Variants in PTPRQ observed in about 807,000 individuals in gnomAD.
PTPRQ encodes the protein phosphatidylinositol phosphatase PTPRQ.
In PTPRQ, 199 loss-of-function variants were observed where a neutral mutation model predicts 246.0. That is an observed-to-expected ratio of 0.81 (90% CI 0.72 to 0.91). The LOEUF is 0.91. Ranked by LOEUF, PTPRQ falls within the 40% of genes least tolerant of loss-of-function variation. The pLI, the probability that PTPRQ is intolerant of heterozygous loss-of-function variation, is 0.00. For synonymous variants in PTPRQ, 869 were observed against 853.2 expected (o/e 1.02, Z -0.32); for missense variants, 2,624 against 2,528.4 (o/e 1.04, Z -0.81).
chr12:80,552,447 C>T (rs747118431), intron 25 of PTPRQ, among the ~76,000 whole-genome samples: 16 of 151,440 alleles, frequency 1.1e-4, no homozygotes, highest in Middle Eastern at 6.9e-3. Context: ...GCAGGAGATA[C>T]TAGGTTGGTG....
chr12:80,522,539 C>G (rs1205547949), intron 17 of PTPRQ, among the ~76,000 whole-genome samples: 1 of 152,070 alleles, frequency 6.6e-6, no homozygotes. Context: ...TACGTCCCAT[C>G]AATACCTAAT....
Position 80,474,588 on chromosome 12 carries a change from A to G in PTPRQ, c.1186+2337A>G, listed in dbSNP as rs142918083. 5.9e-3 allele frequency among the ~76,000 whole-genome samples: 900 copies of G among 152,270 alleles called. 10 individuals carry two copies. The highest frequency in any genetic ancestry group is 0.021 in the African/African-American group (863 of 41,548). On this transcript the variant is annotated intron_variant, in intron 8 of 44. Coordinates refer to ENST00000644991, the MANE Select transcript of PTPRQ (RefSeq NM_001145026.2). The stretch of plus-strand genomic sequence containing the variant: ...CCTCTATATGTCTCTTAATATTTTG[A>G]TGAGTAGATTTCTGCATAGGCATGA...
intron 41 of PTPRQ, 65 bp from the exon 42 acceptor site, chr12:80,670,279 T>A: frequency 1.3e-6 from 2 of 1,532,600 alleles, no homozygotes; most frequent in Middle Eastern, 1.8e-4. Flanking sequence ...CTGGGACTAT[T>A]GCCTTCAACC....
chr12:80,617,491 G>C (rs971818541), intron 30 of PTPRQ, among the ~76,000 whole-genome samples: 1 of 151,432 alleles, frequency 6.6e-6, no homozygotes, highest in Non-Finnish European at 1.5e-5. Context: ...ACAAAGAATA[G>C]TATGAGTCAT....
At chr12:80,669,284 C>T in intron 40 of PTPRQ, 55 bp from the exon 41 acceptor site, 4 of 1,539,794 alleles carry the variant, frequency 2.6e-6, no homozygotes, top group Admixed American at 4.2e-5. Flanking sequence ...CTGTGGTATA[C>T]ATATATATCA....
chr12:80,675,230 C>T (rs1014864291), intron 43 of PTPRQ, among the ~76,000 whole-genome samples: 2 of 152,090 alleles, frequency 1.3e-5, no homozygotes, highest in African/African-American at 4.8e-5. Context: ...TTAATGTTTG[C>T]TGTCACTGTC....
chr12:80,454,404 C>G (rs1054849544), intron 3 of PTPRQ: 1 of 442,442 alleles, frequency 2.3e-6, no homozygotes, highest in African/African-American at 4.7e-5. Context: ...CTGGCACTCC[C>G]TAGTGAGATG....
chr12:80,524,269 A>T (rs904002084), intron 17 of PTPRQ, among the ~76,000 whole-genome samples: 1 of 151,924 alleles, frequency 6.6e-6, no homozygotes, highest in Admixed American at 6.6e-5. Flanking sequence ...TCTGCATGTG[A>T]TATGGGTTTC....
intron 26 of PTPRQ, among the ~76,000 whole-genome samples, chr12:80,595,979 T>C (rs1369390699): frequency 6.6e-6 from 1 of 152,070 alleles, no homozygotes; most frequent in African/African-American, 2.4e-5. Context: ...TTTAGAAATA[T>C]TTCAAACAGT....
chr12:80,588,004 A>G (rs1565803649), intron 25 of PTPRQ, 125 bp from the exon 26 acceptor site: 1 of 1,011,608 alleles, frequency 9.9e-7, no homozygotes, highest in African/African-American at 1.6e-5. Context: ...GGGATAATTA[A>G]TCTAAGAGCT....
chr12:80,445,381 T>A, intron 2 of PTPRQ, 110 bp from the exon 3 acceptor site: 1 of 681,504 alleles, frequency 1.5e-6, no homozygotes, highest in Admixed American at 2.9e-5. Flanking sequence ...TGAACTCATA[T>A]TGCTCTTTGG....
At chr12:80,672,964 T>C (rs1215116870) in intron 42 of PTPRQ, among the ~76,000 whole-genome samples, 1 of 152,090 alleles carries the variant, frequency 6.6e-6, no homozygotes, top group Non-Finnish European at 1.5e-5. Flanking sequence ...AAATATTTGA[T>C]AGCATATTAA....
At chr12:80,654,845 G>T in intron 38 of PTPRQ, among the ~76,000 whole-genome samples, 1 of 151,996 alleles carries the variant, frequency 6.6e-6, no homozygotes, top group South Asian at 2.1e-4. Context: ...GGGTGACAGA[G>T]CGAGACTCTA....
intron 32 of PTPRQ, 48 bp downstream of exon 32, chr12:80,620,424 G>T: frequency 6.5e-7 from 1 of 1,541,634 alleles, no homozygotes; most frequent in Non-Finnish European, 8.7e-7. Flanking sequence ...AAGCTAGTTA[G>T]TATCTTTCAT....
chr12:80,535,825 C>G (rs191809383), intron 19 of PTPRQ, among the ~76,000 whole-genome samples: 9 of 152,100 alleles, frequency 5.9e-5, no homozygotes, highest in African/African-American at 2.2e-4. Flanking sequence ...TAGAAAAACA[C>G]GGCCGGGCGT....
At chr12:80,668,861 T>C (rs551044065) in intron 39 of PTPRQ, 146 bp from the exon 40 acceptor site, 1 of 1,141,686 alleles carries the variant, frequency 8.8e-7, no homozygotes, top group Admixed American at 3.6e-5. Flanking sequence ...GTTGGAAATT[T>C]TGAGTATTTA....
At chr12:80,535,970 C>A (rs1291202822) in intron 19 of PTPRQ, among the ~76,000 whole-genome samples, 2 of 152,008 alleles carry the variant, frequency 1.3e-5, no homozygotes, top group Admixed American at 1.3e-4. Flanking sequence ...AGCCAGGCGT[C>A]GTGGCAGGCG....
intron 25 of PTPRQ, among the ~76,000 whole-genome samples, chr12:80,551,718 T>C (rs773727994): frequency 1.3e-5 from 2 of 152,108 alleles, no homozygotes; most frequent in Non-Finnish European, 2.9e-5. Flanking sequence ...GAATTTGGCT[T>C]CTCTCTAGCT....
chr12:80,554,233 G>A (rs1246099538), intron 25 of PTPRQ, among the ~76,000 whole-genome samples: 1 of 152,062 alleles, frequency 6.6e-6, no homozygotes, highest in Non-Finnish European at 1.5e-5. Context: ...TTGTAACACA[G>A]GAAATGATAA....
Sources: allele counts gnomAD v4.1 joint callset (sites outside exome capture counted in the v4.1 genomes callset), GRCh38; gene constraint gnomAD v4.1.1; transcripts MANE v1.5; gene names NCBI Gene and HGNC (gene_info 2026-07-23, HGNC 2026-07-21).